The following MAML2 variants were observed in gnomAD, a reference collection of about 807,000 sequenced individuals.
MAML2 encodes the protein mastermind like transcriptional coactivator 2.
In MAML2, 22 loss-of-function variants were observed where a neutral mutation model predicts 96.1. The ratio of observed to expected loss-of-function variants is 0.23; its 90% CI spans 0.16 to 0.33. The LOEUF is 0.33. Ranked by LOEUF, MAML2 falls within the 10% of genes least tolerant of loss-of-function variation. MAML2 has a pLI of 1.00. For synonymous variants in MAML2, 561 were observed against 521.3 expected, an observed-to-expected ratio of 1.08 and a Z score of -1.04; for missense variants, 1,367 against 1,392.4, an observed-to-expected ratio of 0.98 and a Z score of 0.29.
chr11:96,246,735 G>GCAGTATCAT (rs1862516975), intron 1 of MAML2, among the ~76,000 whole-genome samples: 1 of 152,080 alleles, frequency 6.6e-6, no homozygotes, highest in Admixed American at 6.6e-5. Context: ...TGCACTTACT[G>GCAGTATCAT]CAGTATCATA....
intron 1 of MAML2, among the ~76,000 whole-genome samples, chr11:96,316,695 A>G (rs1042285547): frequency 9.2e-5 from 14 of 152,224 alleles, no homozygotes; most frequent in African/African-American, 3.4e-4. Context: ...TCTAAGTGCA[A>G]CAGGAGGCTA....
chr11:96,334,341 G>C (rs1228519446), intron 1 of MAML2, among the ~76,000 whole-genome samples: 2 of 152,156 alleles, frequency 1.3e-5, no homozygotes, highest in Non-Finnish European at 2.9e-5. Flanking sequence ...CGAGGTGCTA[G>C]GCAATTGCTA....
At chr11:96,236,425 A>G (rs1294916147) in intron 1 of MAML2, among the ~76,000 whole-genome samples, 2 of 1,084 alleles carry the variant, frequency 1.8e-3, no homozygotes, top group Non-Finnish European at 4.9e-3. Context: ...TTAAAACCCG[A>G]AAGTCTGTAT....
At chr11:96,226,066 C>T (rs1383295365) in intron 1 of MAML2, among the ~76,000 whole-genome samples, 1 of 152,198 alleles carries the variant, frequency 6.6e-6, no homozygotes, top group African/African-American at 2.4e-5. Context: ...CACTATGCTA[C>T]ATCTTAGAAA....
chr11:95,983,051 A>G (rs191322380), intron 4 of MAML2, among the ~76,000 whole-genome samples: 23 of 152,270 alleles, frequency 1.5e-4, no homozygotes, highest in African/African-American at 5.5e-4. Context: ...CTACTTATAC[A>G]AAAAGTTAAC....
intron 1 of MAML2, among the ~76,000 whole-genome samples, chr11:96,254,639 C>G (rs1276352636): frequency 6.6e-6 from 1 of 151,810 alleles, no homozygotes; most frequent in East Asian, 1.9e-4. Context: ...CAAAAGAACT[C>G]AAACACCTGC....
At chr11:95,982,290 T>C (rs1857753233) in intron 4 of MAML2, among the ~76,000 whole-genome samples, 1 of 152,004 alleles carries the variant, frequency 6.6e-6, no homozygotes, top group African/African-American at 2.4e-5. Context: ...ATCCAACCTC[T>C]CTATATTCCT....
At chr11:96,173,944 C>T (rs377518340) in intron 1 of MAML2, among the ~76,000 whole-genome samples, 6 of 152,182 alleles carry the variant, frequency 3.9e-5, no homozygotes, top group African/African-American at 1.4e-4. Flanking sequence ...AAGGGGACAG[C>T]AGGAAACACT....
intron 1 of MAML2, among the ~76,000 whole-genome samples, chr11:96,111,557 T>C (rs1225565036): frequency 6.6e-6 from 1 of 152,220 alleles, no homozygotes; most frequent in African/African-American, 2.4e-5. Context: ...ATCAAGTTGC[T>C]AAGACCACAG....
At chr11:96,323,172 A>C (rs1863730470) in intron 1 of MAML2, among the ~76,000 whole-genome samples, 1 of 151,948 alleles carries the variant, frequency 6.6e-6, no homozygotes, top group South Asian at 2.1e-4. Flanking sequence ...CTCCATTCCT[A>C]GTGCTGAGGG....
chr11:95,994,506 A>G (rs1309257234), intron 2 of MAML2, among the ~76,000 whole-genome samples: 1 of 152,106 alleles, frequency 6.6e-6, no homozygotes, highest in African/African-American at 2.4e-5. Flanking sequence ...GAGGAAATAC[A>G]TGGAGGATTG....
chr11:96,297,864 CA>C (rs1327042258), intron 1 of MAML2, among the ~76,000 whole-genome samples: 1 of 152,066 alleles, frequency 6.6e-6, no homozygotes, highest in Non-Finnish European at 1.5e-5. Flanking sequence ...TTTATATAAC[CA>C]AAATGTCACT....
chr11:95,991,521 G>T lies in MAML2; in HGVS notation c.2342C>A (p.Ala781Glu), dbSNP rs772799140. ...GTAGAAATTAAGAGAAAGTTTTACC[G>T]CGTCAGCCAGCATCTGCTGCTGGAG... ...LLLQQQMLAD[A>E]EKIAPQDQIN... Residue 781 changes from alanine to glutamate, a missense_variant and splice_region_variant, in exon 3 of 5, where the codon GCG (alanine) becomes GAG (glutamate). Coordinates refer to ENST00000524717, the MANE Select transcript of MAML2 (RefSeq NM_032427.4). 6.2e-7 allele frequency: 1 copy of T among 1,613,252 alleles called. No homozygotes were observed. The highest frequency in any genetic ancestry group is 1.3e-5 in the African/African-American group (1 of 74,896).
chr11:96,296,030 T>C (rs1863294370), intron 1 of MAML2, among the ~76,000 whole-genome samples: 3 of 152,040 alleles, frequency 2.0e-5, no homozygotes, highest in Admixed American at 2.0e-4. Context: ...GTACATTTTC[T>C]TTCTCATTCT....
intron 1 of MAML2, among the ~76,000 whole-genome samples, chr11:96,313,221 A>G (rs1434319371): frequency 6.6e-6 from 1 of 152,166 alleles, no homozygotes; most frequent in Non-Finnish European, 1.5e-5. Flanking sequence ...AACCTGATCT[A>G]TCTAACTTCT....
chr11:96,069,906 C>T (rs1203058863), intron 2 of MAML2, among the ~76,000 whole-genome samples: 1 of 151,154 alleles, frequency 6.6e-6, no homozygotes, highest in Non-Finnish European at 1.5e-5. Flanking sequence ...GCCTGTAATC[C>T]CAGCTACTTA....
chr11:96,215,918 A>C (rs1349589612), intron 1 of MAML2, among the ~76,000 whole-genome samples: 2 of 152,188 alleles, frequency 1.3e-5, no homozygotes, highest in African/African-American at 4.8e-5. Context: ...TTCTAAACTT[A>C]GGCCCCCAAA....
intron 1 of MAML2, among the ~76,000 whole-genome samples, chr11:96,293,030 A>G (rs796704054): frequency 4.6e-5 from 7 of 152,326 alleles, no homozygotes; most frequent in African/African-American, 1.7e-4. Flanking sequence ...TTTCAAATGG[A>G]AAGTAAAAAA....
chr11:96,072,501 G>A (rs779283408), intron 2 of MAML2, among the ~76,000 whole-genome samples: 5 of 152,250 alleles, frequency 3.3e-5, no homozygotes, highest in Admixed American at 6.5e-5. Flanking sequence ...TACTAGAAAC[G>A]TCTCTAAGAT....
Sources: gnomAD v4.1 joint callset for allele counts (sites outside exome capture counted in the v4.1 genomes callset) on GRCh38, gnomAD v4.1.1 for gene constraint, MANE v1.5 for transcripts, NCBI Gene and HGNC (gene_info 2026-07-23, HGNC 2026-07-21) for gene names.